JMJD1C: variants seen among roughly 807,000 people sequenced by gnomAD.
The protein encoded by JMJD1C is jumonji domain-containing protein 1C.
Under a neutral mutation model 245.3 loss-of-function variants are expected in JMJD1C, and 31 were observed. The ratio of observed to expected loss-of-function variants is 0.13; its 90% confidence interval spans 0.09 to 0.17. JMJD1C has a LOEUF of 0.17. JMJD1C is among the 10% of genes least tolerant of loss of function. JMJD1C has a pLI of 1.00. For synonymous variants in JMJD1C, 1,057 were observed against 1,017.4 expected (o/e 1.04, Z -0.74); for missense variants, 2,691 against 3,000.2 (o/e 0.90, Z 2.41).
At chr10:63,168,941 A>C (rs979114049) in intron 24 of JMJD1C, among the ~76,000 whole-genome samples, 1 of 152,164 alleles carries the variant, frequency 6.6e-6, no homozygotes, top group Non-Finnish European at 1.5e-5. Flanking sequence ...GAGTATGTTT[A>C]TTGTTGCTCC....
Position 63,208,393 on chromosome 10 carries a change from G to C in JMJD1C, c.3276C>G (p.Asn1092Lys). 1 of 1,614,012 alleles carries C rather than the reference G, an allele frequency of 6.2e-7. No homozygotes were observed. Among genetic ancestry groups the C allele is most frequent in the Non-Finnish European group, 8.5e-7 (1 of 1,179,954 alleles). ...HSVPQSLPQS[N>K]YFTTLSNSVV... The stretch of plus-strand genomic sequence containing the variant: ...CACTATTAGACAATGTAGTGAAATA[G>C]TTACTTTGGGGTAAACTCTGAGGCA... Residue 1092 changes from asparagine (N) to lysine (K), a missense_variant, in exon 10 of 26, where the codon AAC becomes AAG. Transcript: ENST00000399262.
chr10:63,509,453 T>C (rs191698720), intron 1 of JMJD1C, among the ~76,000 whole-genome samples: 101 of 152,364 alleles, frequency 6.6e-4, no homozygotes, highest in African/African-American at 2.3e-3. Context: ...CCCCTACTTC[T>C]GTCTTCTGGA....
chr10:63,245,753 G>A (rs972035524), intron 3 of JMJD1C, among the ~76,000 whole-genome samples: 1 of 152,304 alleles, frequency 6.6e-6, no homozygotes, highest in Middle Eastern at 3.4e-3. Flanking sequence ...AAAGTGCTGG[G>A]ATTACAGGCG....
At chr10:63,492,758 G>A (rs1235673319) in intron 1 of JMJD1C, among the ~76,000 whole-genome samples, 1 of 151,908 alleles carries the variant, frequency 6.6e-6, no homozygotes, top group East Asian at 1.9e-4. Flanking sequence ...AAAAATATAA[G>A]AAAAAGGGAA....
chr10:63,375,183 C>T (rs1247201200), intron 2 of JMJD1C, among the ~76,000 whole-genome samples: 36 of 92,956 alleles, frequency 3.9e-4, no homozygotes, highest in Admixed American at 1.1e-3. Context: ...TAAAAATTGG[C>T]TTTTTTTTTT....
intron 3 of JMJD1C, among the ~76,000 whole-genome samples, chr10:63,237,046 T>C (rs1850818621): frequency 6.6e-6 from 1 of 152,130 alleles, no homozygotes; most frequent in African/African-American, 2.4e-5. Context: ...TTTTGTTTTG[T>C]TTTGTTTTTT....
chr10:63,484,646 TAAAAA>T (rs1163999757), intron 1 of JMJD1C, among the ~76,000 whole-genome samples: 1 of 149,890 alleles, frequency 6.7e-6, no homozygotes, highest in East Asian at 2.0e-4. Flanking sequence ...TCTCTTAACT[TAAAAA>T]AAAAGGCAAG....
chr10:63,336,542 C>T (rs917105848), intron 2 of JMJD1C, among the ~76,000 whole-genome samples: 2 of 152,078 alleles, frequency 1.3e-5, no homozygotes, highest in Admixed American at 6.5e-5. Context: ...TTCCACATCA[C>T]GATCCCTAAA....
rs754115401 is a variant in JMJD1C at position 63,207,519 on chromosome 10, C to T, written c.4150G>A (p.Val1384Ile). The change falls in exon 10 of 26, where the codon GTC (valine) becomes ATC (isoleucine). Residue 1384 changes from valine to isoleucine, a missense_variant. Coordinates refer to ENST00000399262, the MANE Select transcript of JMJD1C (RefSeq NM_032776.3). ...CACATCGTATTTACAGCAGACATGACTGAACTGGGAACACTGCCCTGTGAG... is the reference window on the plus strand; with the variant it reads ...CACATCGTATTTACAGCAGACATGATTGAACTGGGAACACTGCCCTGTGAG... ...AVSQGSVPSS[V>I]MSAVNTMCNT... is the part of the protein sequence containing the mutation. 6.8e-6 allele frequency: 11 copies of T among 1,614,064 alleles called. No homozygotes were observed. In the Admixed American group the frequency reaches 1.3e-4, roughly 20 times the overall value.
intron 1 of JMJD1C, among the ~76,000 whole-genome samples, chr10:63,450,738 C>G (rs1008880152): frequency 2.2e-4 from 33 of 152,066 alleles, no homozygotes; most frequent in African/African-American, 7.0e-4. Flanking sequence ...ACACTAAAAG[C>G]TTTTTCTCTA....
chr10:63,290,656 G>C (rs2133936968), intron 2 of JMJD1C, among the ~76,000 whole-genome samples: 1 of 152,140 alleles, frequency 6.6e-6, no homozygotes, highest in South Asian at 2.1e-4. Context: ...TAATCCAATA[G>C]GACTTTTTTA....
chr10:63,435,803 A>G (rs1341702202), intron 1 of JMJD1C, among the ~76,000 whole-genome samples: 3 of 152,166 alleles, frequency 2.0e-5, no homozygotes, highest in Non-Finnish European at 4.4e-5. Context: ...GGAGGCTGAG[A>G]TATGAGAACT....
In JMJD1C at chr10:63,191,642, G is replaced by A. The variant is rs1229766050; in HGVS notation, c.6077-534C>T. Among the ~76,000 whole-genome samples the A allele has an allele frequency of 4.6e-5, 7 of 152,162 alleles. No individual in the cohort carries two copies. The South Asian group carries it at 1.5e-3, about 32-fold the overall frequency. On this transcript the variant is annotated intron_variant, in intron 16 of 25. Coordinates refer to ENST00000399262, the MANE Select transcript of JMJD1C (RefSeq NM_032776.3). ...AGGCCTTCCTCAATATTTAAGACAT[G>A]TTTACACCTGTTACAAATGAAAAAC...
At chr10:63,370,272 T>C (rs1946197479) in intron 2 of JMJD1C, among the ~76,000 whole-genome samples, 1 of 152,162 alleles carries the variant, frequency 6.6e-6, no homozygotes, top group African/African-American at 2.4e-5. Flanking sequence ...CTGTGGATGG[T>C]TTTGGGAATG....
chr10:63,512,764 T>G (rs962843001), intron 1 of JMJD1C, among the ~76,000 whole-genome samples: 4 of 152,202 alleles, frequency 2.6e-5, no homozygotes, highest in African/African-American at 9.6e-5. Context: ...CAGTTATTAC[T>G]TAAAATATTG....
intron 1 of JMJD1C, among the ~76,000 whole-genome samples, chr10:63,443,562 T>C (rs887722445): frequency 3.3e-5 from 5 of 152,222 alleles, no homozygotes; most frequent in Admixed American, 6.5e-5. Flanking sequence ...CCCACCCAAC[T>C]TGGCCTCCCA....
intron 1 of JMJD1C, among the ~76,000 whole-genome samples, chr10:63,433,654 T>C (rs1316649314): frequency 9.4e-5 from 14 of 149,722 alleles, no homozygotes; most frequent in African/African-American, 2.0e-4. Context: ...GGTGAGATCA[T>C]GGCTCACTGC....
chr10:63,243,458 G>A (rs1589262008), intron 3 of JMJD1C, among the ~76,000 whole-genome samples: 3 of 152,012 alleles, frequency 2.0e-5, no homozygotes, highest in Admixed American at 6.6e-5. Flanking sequence ...CCTGGGAAGC[G>A]GAAGTTGCGC....
chr10:63,235,627 AT>A (rs943857656), intron 3 of JMJD1C, among the ~76,000 whole-genome samples: 1 of 152,334 alleles, frequency 6.6e-6, no homozygotes, highest in African/African-American at 2.4e-5. Context: ...AAATTAAAAG[AT>A]TTTTTAAATT....
Sources: gnomAD v4.1 joint callset for allele counts (sites outside exome capture counted in the v4.1 genomes callset) on GRCh38, gnomAD v4.1.1 for gene constraint, MANE v1.5 for transcripts, NCBI Gene and HGNC (gene_info 2026-07-23, HGNC 2026-07-21) for gene names.